The following PRKAR2A variants were observed in gnomAD, a reference collection of about 807,000 sequenced individuals.
The protein encoded by PRKAR2A is protein kinase cAMP-dependent type II regulatory subunit alpha.
PRKAR2A carries 29 observed loss-of-function variants against 51.9 expected under a neutral mutation model. That is an observed-to-expected ratio of 0.56 (90% CI 0.42 to 0.76). The LOEUF (loss-of-function observed/expected upper bound fraction) is 0.76, where lower values mean the gene tolerates loss of function less well. PRKAR2A is among the 30% of genes least tolerant of loss of function. The pLI, the probability that PRKAR2A is intolerant of heterozygous loss-of-function variation, is 0.00. For synonymous variants in PRKAR2A, 178 were observed against 186.2 expected (o/e 0.96, Z 0.36); for missense variants, 445 against 512.1 (o/e 0.87, Z 1.26).
At chr3:48,790,402 A>C (rs145200736) in intron 4 of PRKAR2A, 142 bp downstream of exon 4, 166 of 488,960 alleles carry the variant, frequency 3.4e-4, no homozygotes, top group Non-Finnish European at 1.9e-4. Context: ...CAATACAATG[A>C]AAACATCTGT....
chr3:48,800,673 CTTTTCT>C (rs1157551871), intron 2 of PRKAR2A, among the ~76,000 whole-genome samples: 6 of 93,244 alleles, frequency 6.4e-5, no homozygotes, highest in East Asian at 1.3e-3. Context: ...CATGGCTTTT[CTTTTCT>C]TTTTTTTTTG....
intron 2 of PRKAR2A, among the ~76,000 whole-genome samples, chr3:48,807,348 A>G (rs1478026690): frequency 1.3e-5 from 2 of 152,222 alleles, no homozygotes; most frequent in Non-Finnish European, 2.9e-5. Context: ...TAATGGCAGC[A>G]TAAGCCAGAA....
intron 4 of PRKAR2A, among the ~76,000 whole-genome samples, chr3:48,786,711 TG>T (rs746771948): frequency 2.0e-5 from 3 of 152,056 alleles, no homozygotes; most frequent in Non-Finnish European, 2.9e-5. Flanking sequence ...TACAAAATGT[TG>T]ATAGTGTTAA....
At chr3:48,807,245 A>G (rs2107358900) in intron 2 of PRKAR2A, among the ~76,000 whole-genome samples, 1 of 152,278 alleles carries the variant, frequency 6.6e-6, no homozygotes, top group South Asian at 2.1e-4. Flanking sequence ...AGAAAAAGCC[A>G]AGGCAATGCT....
At chr3:48,757,092 G>A (rs2081783116) in intron 8 of PRKAR2A, among the ~76,000 whole-genome samples, 1 of 152,142 alleles carries the variant, frequency 6.6e-6, no homozygotes, top group Non-Finnish European at 1.5e-5. Flanking sequence ...GATAGGAGCT[G>A]ACAAAGGATG....
rs569442282 is a variant in PRKAR2A, at chr3:48,787,239, G to A, written c.435+3305C>T. Among the ~76,000 whole-genome samples the A allele has an allele frequency of 5.3e-5, 8 of 152,146 alleles. No individual in the cohort carries two copies. The South Asian group carries it at 1.7e-3, about 32-fold the overall frequency. On this transcript the variant is annotated intron_variant, in intron 4 of 10. Transcript: ENST00000265563. ...TCACTCTTATTGCCCAGGCTGTAGT[G>A]CAATGGTGTGGTCTTAGCTCACTGC...
intron 1 of PRKAR2A, among the ~76,000 whole-genome samples, chr3:48,824,319 C>G (rs2107413874): frequency 6.6e-6 from 1 of 151,798 alleles, no homozygotes; most frequent in South Asian, 2.1e-4. Flanking sequence ...CACTTAAGCC[C>G]AGGAGGCAGA....
chr3:48,792,043 C>T (rs1474173902), intron 3 of PRKAR2A, among the ~76,000 whole-genome samples: 1 of 150,934 alleles, frequency 6.6e-6, no homozygotes, highest in Non-Finnish European at 1.5e-5. Context: ...TTTTTACATT[C>T]ACAAAAATGG....
At chr3:48,838,939 G>A (rs934701522) in intron 1 of PRKAR2A, among the ~76,000 whole-genome samples, 4 of 146,730 alleles carry the variant, frequency 2.7e-5, no homozygotes, top group African/African-American at 5.1e-5. Flanking sequence ...AGCCGAGATC[G>A]CGCCACTGCA....
At chr3:48,778,991 A>G (rs1015787488) in intron 5 of PRKAR2A, among the ~76,000 whole-genome samples, 1 of 151,816 alleles carries the variant, frequency 6.6e-6, no homozygotes, top group Non-Finnish European at 1.5e-5. Flanking sequence ...ATGTCCAGCT[A>G]ATTTTTTGTA....
chr3:48,837,963 G>T (rs1256198106), intron 1 of PRKAR2A, among the ~76,000 whole-genome samples: 1 of 152,150 alleles, frequency 6.6e-6, no homozygotes, highest in African/African-American at 2.4e-5. Flanking sequence ...CGGATCACAA[G>T]GTCAGGAGAT....
Position 48,829,552 on chromosome 3 carries a change from A to ATG in PRKAR2A, c.262+17781_262+17782dup, listed in dbSNP as rs201595855. On this transcript the variant is annotated intron_variant, in intron 1 of 10. Transcript: ENST00000265563. ...ATAAATAAATAAGAAAAAAATATAT[A>ATG]TGTGTATATATACACACATAAATAT... Among the ~76,000 whole-genome samples, 362 of 132,196 alleles carry ATG rather than the reference A, an allele frequency of 2.7e-3. 15 individuals carry two copies. The highest frequency in any genetic ancestry group is 9.8e-3 in the African/African-American group (334 of 34,228). 86.7% of individuals were successfully genotyped at this position (132,196 alleles called of 152,430 possible).
At chr3:48,758,717 A>G (rs2081815362) in intron 8 of PRKAR2A, among the ~76,000 whole-genome samples, 1 of 152,150 alleles carries the variant, frequency 6.6e-6, no homozygotes, top group Admixed American at 6.6e-5. Flanking sequence ...GAAGCTGCTA[A>G]TGTTGCTGTG....
At chr3:48,845,251 A>T (rs2083444417) in intron 1 of PRKAR2A, among the ~76,000 whole-genome samples, 1 of 152,226 alleles carries the variant, frequency 6.6e-6, no homozygotes, top group African/African-American at 2.4e-5. Context: ...GGCAGAGTTT[A>T]GAAAATAATT....
chr3:48,746,705 A>G lies in PRKAR2A; in HGVS notation c.*4880T>C, dbSNP rs1575825660. On this transcript the variant is annotated 3_prime_UTR_variant, in exon 11 of 11. Transcript: ENST00000265563. ...GTGACTTAATTCTTAATGACTGTTC[A>G]TTATATGTTTAACACCACAGAGCAA... 1 of 152,244 alleles carries G rather than the reference A, an allele frequency of 6.6e-6. No individual in the cohort carries two copies. Among genetic ancestry groups the G allele is most frequent in the East Asian group, 1.9e-4 (1 of 5,208 alleles). 9.4% of individuals were successfully genotyped at this position (152,244 alleles called of 1,614,324 possible). A position where few individuals can be genotyped will look rare whatever the true frequency, so the allele number is the denominator to read the frequency against.
chr3:48,807,198 G>C (rs2082687430), intron 2 of PRKAR2A, among the ~76,000 whole-genome samples: 1 of 152,092 alleles, frequency 6.6e-6, no homozygotes, highest in Non-Finnish European at 1.5e-5. Flanking sequence ...CTTTCTCCCA[G>C]TAGCCTAATC....
At chr3:48,817,553 A>T (rs1488782491) in intron 1 of PRKAR2A, among the ~76,000 whole-genome samples, 1 of 151,630 alleles carries the variant, frequency 6.6e-6, no homozygotes, top group African/African-American at 2.4e-5. Flanking sequence ...AGGCTGAGGC[A>T]GGAGAATTGC....
intron 9 of PRKAR2A, among the ~76,000 whole-genome samples, chr3:48,755,841 C>T (rs780725078): frequency 3.4e-5 from 5 of 146,186 alleles, no homozygotes; most frequent in Non-Finnish European, 6.0e-5. Flanking sequence ...TGCAGTGGTA[C>T]GATCTCAGCT....
chr3:48,796,669 G>GAT (rs1264041197), intron 2 of PRKAR2A, among the ~76,000 whole-genome samples: 2,358 of 97,180 alleles, frequency 0.024, 68 homozygotes, highest in African/African-American at 0.078. Flanking sequence ...GTAGAGACGG[G>GAT]GTTTTTTTTT....
Sources: gnomAD v4.1 joint callset for allele counts (sites outside exome capture counted in the v4.1 genomes callset) on GRCh38, gnomAD v4.1.1 for gene constraint, MANE v1.5 for transcripts, NCBI Gene and HGNC (gene_info 2026-07-23, HGNC 2026-07-21) for gene names.